Variants in SUMF1 observed in about 807,000 individuals in gnomAD.
The protein encoded by SUMF1 is sulfatase modifying factor 1.
In SUMF1, 48 loss-of-function variants were observed where a neutral mutation model predicts 47.6. The ratio of observed to expected loss-of-function variants is 1.01; its 90% confidence interval spans 0.80 to 1.28. The LOEUF is 1.28. Ranked by LOEUF, SUMF1 falls within the 50% of genes most tolerant of loss-of-function variation. The pLI is 0.00. For missense variants in SUMF1, 571 were observed against 485.4 expected (o/e 1.18, Z -1.66); for synonymous variants, 230 against 192.1 (o/e 1.20, Z -1.63).
At chr3:4,465,111 T>G (rs997702291) in intron 1 of SUMF1, among the ~76,000 whole-genome samples, 1 of 152,214 alleles carries the variant, frequency 6.6e-6, no homozygotes, top group Non-Finnish European at 1.5e-5. Flanking sequence ...GACAGACCAA[T>G]GTATATATGC....
At chr3:4,225,245 C>T (rs1298266517) in intron 8 of SUMF1, among the ~76,000 whole-genome samples, 1 of 152,090 alleles carries the variant, frequency 6.6e-6, no homozygotes, top group African/African-American at 2.4e-5. Flanking sequence ...GCTCACAGTG[C>T]CTCTCCTTGT....
At chr3:4,280,210 G>C (rs1028226758) in intron 8 of SUMF1, among the ~76,000 whole-genome samples, 3 of 152,020 alleles carry the variant, frequency 2.0e-5, no homozygotes, top group Non-Finnish European at 4.4e-5. Context: ...TAGAATTTTT[G>C]TCAATTAAAA....
At chr3:4,039,729 T>G (rs1694875971) in intron 9 of SUMF1, among the ~76,000 whole-genome samples, 1 of 152,110 alleles carries the variant, frequency 6.6e-6, no homozygotes, top group Non-Finnish European at 1.5e-5. Flanking sequence ...TTAATTATAA[T>G]GTTTTGTATG....
At chr3:4,294,442 T>C (rs1468889187) in intron 8 of SUMF1, among the ~76,000 whole-genome samples, 1 of 152,084 alleles carries the variant, frequency 6.6e-6, no homozygotes, top group Non-Finnish European at 1.5e-5. Context: ...TGTGTGCCTG[T>C]AGTCTCAGCT....
At chr3:4,211,399 A>G (rs1473389761) in intron 8 of SUMF1, among the ~76,000 whole-genome samples, 1 of 151,114 alleles carries the variant, frequency 6.6e-6, no homozygotes, top group African/African-American at 2.4e-5. Flanking sequence ...ATTTAGCTCC[A>G]ATTAATAAGT....
intron 8 of SUMF1, chr3:4,312,958 C>T (rs758059201): frequency 6.2e-7 from 1 of 1,613,960 alleles, no homozygotes; most frequent in Non-Finnish European, 8.5e-7. Context: ...AATAACCTTT[C>T]CCGGATGCAT....
intron 7 of SUMF1, among the ~76,000 whole-genome samples, chr3:4,392,609 GTGTGTGTATATA>G (rs1416372240): frequency 7.4e-5 from 7 of 94,852 alleles, no homozygotes; most frequent in African/African-American, 1.6e-4. Flanking sequence ...GTGTGTGTGT[GTGTGTGTATATA>G]TATATATATA....
intron 8 of SUMF1, among the ~76,000 whole-genome samples, chr3:4,296,537 G>C (rs1475521007): frequency 2.0e-5 from 3 of 152,124 alleles, no homozygotes; most frequent in Admixed American, 6.5e-5. Flanking sequence ...CATCTTACCT[G>C]GCAGCAGGCA....
In SUMF1 at chr3:4,332,088, T is replaced by A. The variant is rs150281505; in HGVS notation, c.1014+44242A>T. On this transcript the variant is annotated intron_variant and NMD_transcript_variant, in intron 8 of 12. Transcript: ENST00000448413. ...GCATTTGAATTAAAGTTTCTATTTT[T>A]GTGATAACACATTTGATTTAAGCAC... Among the ~76,000 whole-genome samples the A allele has an allele frequency of 1.7e-4, 26 of 152,252 alleles. No individual in the cohort carries two copies. The East Asian group carries it at 4.8e-3, about 28-fold the overall frequency.
intron 8 of SUMF1, among the ~76,000 whole-genome samples, chr3:4,320,340 A>T (rs1698802409): frequency 6.6e-6 from 1 of 152,232 alleles, no homozygotes; most frequent in Non-Finnish European, 1.5e-5. Flanking sequence ...CCTAGTTGAT[A>T]CAAGTTGTTT....
intron 8 of SUMF1, among the ~76,000 whole-genome samples, chr3:4,088,484 C>T (rs1313441302): frequency 1.3e-5 from 2 of 152,120 alleles, no homozygotes; most frequent in Non-Finnish European, 2.9e-5. Context: ...CCATCCATTA[C>T]CACAAACACC....
intron 8 of SUMF1, among the ~76,000 whole-genome samples, chr3:4,109,502 T>C (rs1693241903): frequency 6.6e-6 from 1 of 152,170 alleles, no homozygotes; most frequent in Non-Finnish European, 1.5e-5. Context: ...TTCTCCTGGA[T>C]AATAACCTGC....
chr3:4,194,510 G>C (rs910065922), intron 8 of SUMF1, among the ~76,000 whole-genome samples: 3 of 152,150 alleles, frequency 2.0e-5, no homozygotes, highest in Non-Finnish European at 2.9e-5. Context: ...GCCACATAGA[G>C]ATGGGCCAAG....
At chr3:4,313,943 T>A (rs1383401734) in intron 8 of SUMF1, 2 of 1,040,670 alleles carry the variant, frequency 1.9e-6, no homozygotes, top group African/African-American at 3.2e-5. Context: ...AGTACATGAC[T>A]ACCCAGAATA....
rs1197629638 is a variant in SUMF1, at chr3:4,145,588, C to G, written c.1015-76843G>C. ...ATCCATACATATATTGCTTTTGTCTCTGTGCATAATGCAGGGTTGACTCAT... is the reference window on the plus strand; with the variant it reads ...ATCCATACATATATTGCTTTTGTCTGTGTGCATAATGCAGGGTTGACTCAT... On this transcript the variant is annotated intron_variant and NMD_transcript_variant, in intron 8 of 12. Transcript: ENST00000448413. 2.0e-5 allele frequency among the ~76,000 whole-genome samples: 3 copies of G among 152,130 alleles called. 1 individual carries two copies. Among genetic ancestry groups the G allele is most frequent in the African/African-American group, 7.2e-5 (3 of 41,424 alleles).
chr3:4,251,252 T>C lies in SUMF1; in HGVS notation c.1014+125078A>G, dbSNP rs189750682. 5.9e-4 allele frequency among the ~76,000 whole-genome samples: 90 copies of C among 152,298 alleles called. 1 individual carries two copies. Among genetic ancestry groups the C allele is most frequent in the African/African-American group, 1.8e-3 (73 of 41,568 alleles). Reference sequence around the variant, plus strand: ...GAAGTAACTGCCTATGTGGTAGAAATAGCAAATGAACTAGAATTAGAAGTG... The same window carrying C: ...GAAGTAACTGCCTATGTGGTAGAAACAGCAAATGAACTAGAATTAGAAGTG... On this transcript the variant is annotated intron_variant and NMD_transcript_variant, in intron 8 of 12. Transcript: ENST00000448413.
intron 8 of SUMF1, among the ~76,000 whole-genome samples, chr3:4,291,099 C>G (rs1179965605): frequency 1.3e-5 from 2 of 152,148 alleles, no homozygotes; most frequent in African/African-American, 4.8e-5. Context: ...ATGTCGGGCA[C>G]ATAGTATGTG....
At chr3:4,211,203 C>CATATATAT (rs57172340) in intron 8 of SUMF1, among the ~76,000 whole-genome samples, 36 of 98,174 alleles carry the variant, frequency 3.7e-4, no homozygotes, top group African/African-American at 9.7e-4. Flanking sequence ...TACATACATA[C>CATATATAT]ATATATATAT....
chr3:4,060,269 A>G (rs1695255860), intron 9 of SUMF1, among the ~76,000 whole-genome samples: 1 of 152,202 alleles, frequency 6.6e-6, no homozygotes, highest in Non-Finnish European at 1.5e-5. Context: ...AGCAATGAAT[A>G]GCAGCCTCTT....
Sources: gnomAD v4.1 joint callset for allele counts (sites outside exome capture counted in the v4.1 genomes callset) on GRCh38, gnomAD v4.1.1 for gene constraint, MANE v1.5 for transcripts, NCBI Gene and HGNC (gene_info 2026-07-23, HGNC 2026-07-21) for gene names.